Variants in ANKRD44 observed in about 807,000 individuals in gnomAD.
ANKRD44 encodes the protein serine/threonine-protein phosphatase 6 regulatory ankyrin repeat subunit B.
A neutral mutation model predicts 116.0 loss-of-function variants in ANKRD44; 35 were observed. The ratio of observed to expected loss-of-function variants is 0.30; its 90% CI spans 0.23 to 0.40. The LOEUF (loss-of-function observed/expected upper bound fraction) is 0.40, where lower values mean the gene tolerates loss of function less well. ANKRD44 is among the 10% of genes least tolerant of loss of function. The pLI, the probability that ANKRD44 is intolerant of heterozygous loss-of-function variation, is 1.00. For synonymous variants in ANKRD44, 435 were observed against 461.8 expected, an observed-to-expected ratio of 0.94 and a Z score of 0.74; for missense variants, 1,014 against 1,242.6, an observed-to-expected ratio of 0.82 and a Z score of 2.77.
intron 2 of ANKRD44, among the ~76,000 whole-genome samples, chr2:197,154,986 A>C (rs2079771460): frequency 6.6e-6 from 1 of 152,226 alleles, no homozygotes; most frequent in Non-Finnish European, 1.5e-5. Flanking sequence ...TTATACTCTC[A>C]ATATGATATC....
chr2:197,063,683 A>G (rs1470669075), intron 16 of ANKRD44, among the ~76,000 whole-genome samples: 3 of 152,382 alleles, frequency 2.0e-5, no homozygotes, highest in Middle Eastern at 3.4e-3. Context: ...CGATTCGATC[A>G]ACTGGAAGAA....
intron 1 of ANKRD44, chr2:197,197,951 G>T (rs2080998510): frequency 6.6e-6 from 1 of 152,226 alleles, no homozygotes; most frequent in African/African-American, 2.4e-5. Flanking sequence ...AATACGCACA[G>T]CTAGAATGTA....
chr2:197,016,380 C>A (rs1448229694), intron 17 of ANKRD44, among the ~76,000 whole-genome samples: 1 of 152,058 alleles, frequency 6.6e-6, no homozygotes, highest in East Asian at 1.9e-4. Context: ...AAAATTAAGG[C>A]ATTTTTAACT....
At chr2:197,164,425 T>C (rs1339638798) in intron 2 of ANKRD44, among the ~76,000 whole-genome samples, 2 of 152,120 alleles carry the variant, frequency 1.3e-5, no homozygotes, top group Non-Finnish European at 2.9e-5. Flanking sequence ...GGCGCCCCTC[T>C]GTTCTCTGGG....
chr2:197,253,882 C>T (rs1398748758), intron 1 of ANKRD44, among the ~76,000 whole-genome samples: 1 of 152,182 alleles, frequency 6.6e-6, no homozygotes, highest in Non-Finnish European at 1.5e-5. Context: ...CTGATGCCTC[C>T]AACACTGGCT....
chr2:197,305,830 C>T (rs1362072606), intron 1 of ANKRD44, among the ~76,000 whole-genome samples: 2 of 151,648 alleles, frequency 1.3e-5, no homozygotes, highest in Non-Finnish European at 2.9e-5. Context: ...ACTGGCTACC[C>T]AGACAGAAGA....
chr2:197,112,014 A>G (rs1019953866), intron 8 of ANKRD44, among the ~76,000 whole-genome samples: 5 of 152,188 alleles, frequency 3.3e-5, no homozygotes, highest in Non-Finnish European at 5.9e-5. Flanking sequence ...ACAGCTATAT[A>G]CCAATCATCA....
chr2:197,061,367 A>T (rs1159578594), intron 16 of ANKRD44, among the ~76,000 whole-genome samples: 1 of 152,134 alleles, frequency 6.6e-6, no homozygotes, highest in Non-Finnish European at 1.5e-5. Context: ...CAGACCCCAT[A>T]CCCGGGCAGT....
intron 1 of ANKRD44, among the ~76,000 whole-genome samples, chr2:197,247,757 G>A (rs998237810): frequency 3.3e-5 from 5 of 152,166 alleles, no homozygotes; most frequent in African/African-American, 4.8e-5. Context: ...TCAGGCCCAA[G>A]GGTCCCAGCT....
At chr2:197,211,207 C>A (rs567606579) in intron 1 of ANKRD44, among the ~76,000 whole-genome samples, 1 of 152,306 alleles carries the variant, frequency 6.6e-6, no homozygotes, top group Non-Finnish European at 1.5e-5. Flanking sequence ...CACCAGCACA[C>A]GTGGGCAGGG....
chr2:197,296,157 G>C (rs73988425), intron 1 of ANKRD44: 4 of 152,328 alleles, frequency 2.6e-5, no homozygotes, highest in African/African-American at 9.6e-5. Context: ...CTTAAAACCA[G>C]AGTTGTTGCA....
chr2:197,140,828 T>C (rs886777345), intron 3 of ANKRD44, among the ~76,000 whole-genome samples: 1 of 152,174 alleles, frequency 6.6e-6, no homozygotes, highest in African/African-American at 2.4e-5. Flanking sequence ...GGTGATAATT[T>C]CATGGGTGTT....
At chr2:197,231,495 T>C (rs1243675165) in intron 1 of ANKRD44, among the ~76,000 whole-genome samples, 2 of 152,170 alleles carry the variant, frequency 1.3e-5, no homozygotes, top group Non-Finnish European at 2.9e-5. Context: ...CCTGCATATC[T>C]TTCCATGGCT....
At chr2:197,061,654 G>C (rs989533220) in intron 16 of ANKRD44, among the ~76,000 whole-genome samples, 3 of 152,194 alleles carry the variant, frequency 2.0e-5, no homozygotes, top group Non-Finnish European at 2.9e-5. Flanking sequence ...AATAACTGGG[G>C]AGTAGTTATT....
intron 2 of ANKRD44, among the ~76,000 whole-genome samples, chr2:197,174,684 C>G (rs904373218): frequency 1.3e-5 from 2 of 152,176 alleles, no homozygotes; most frequent in African/African-American, 4.8e-5. Context: ...TTCATGCGTT[C>G]CTAGCCAGTG....
intron 1 of ANKRD44, among the ~76,000 whole-genome samples, chr2:197,237,606 A>C (rs188522829): frequency 1.6e-4 from 25 of 152,354 alleles, no homozygotes; most frequent in African/African-American, 5.1e-4. Flanking sequence ...ATAAACGTCT[A>C]AATGACAGCT....
chr2:197,286,826 AT>A (rs2083420685), intron 1 of ANKRD44, among the ~76,000 whole-genome samples: 1 of 152,168 alleles, frequency 6.6e-6, no homozygotes. Context: ...CAGTTTCAAA[AT>A]TCCTTTATCC....
chr2:196,974,589 T>C (rs1225237706), intron 21 of ANKRD44, among the ~76,000 whole-genome samples: 1 of 151,760 alleles, frequency 6.6e-6, no homozygotes, highest in Admixed American at 6.6e-5. Context: ...CCTAACAACC[T>C]TAAGAAAATA....
At chr2:196,975,565 C>T (rs13429946) in intron 21 of ANKRD44, among the ~76,000 whole-genome samples, 4,990 of 151,128 alleles carry the variant, frequency 0.033, 260 homozygotes, top group African/African-American at 0.11. Context: ...AGGTGGATCA[C>T]GTGAGGCCAG....
Sources: gnomAD v4.1 joint callset for allele counts (sites outside exome capture counted in the v4.1 genomes callset) on GRCh38, gnomAD v4.1.1 for gene constraint, MANE v1.5 for transcripts, NCBI Gene and HGNC (gene_info 2026-07-23, HGNC 2026-07-21) for gene names.